The following RHOT1 variants were observed in gnomAD, a reference collection of about 807,000 sequenced individuals.
RHOT1 encodes ras homolog family member T1.
Under a neutral mutation model 95.3 loss-of-function variants are expected in RHOT1, and 27 were observed. The ratio of observed to expected loss-of-function variants is 0.28; its 90% CI spans 0.21 to 0.39. The LOEUF is 0.39. RHOT1 is among the 10% of genes least tolerant of loss of function. RHOT1 has a pLI of 1.00. For synonymous variants in RHOT1, 227 were observed against 263.5 expected, an observed-to-expected ratio of 0.86 and a Z score of 1.34; for missense variants, 578 against 786.7, an observed-to-expected ratio of 0.73 and a Z score of 3.17.
intron 6 of RHOT1, among the ~76,000 whole-genome samples, chr17:32,178,615 G>A (rs57971330): frequency 0.04 from 6,006 of 151,914 alleles, 363 homozygotes; most frequent in African/African-American, 0.13. Flanking sequence ...CCGCCACCCC[G>A]TCTAGGAAGT....
In RHOT1 at chr17:32,203,906, G is replaced by A. The variant is rs767920791; in HGVS notation, c.1349G>A (p.Arg450His). The change falls in exon 16 of 20, where the codon CGT becomes CAT. Residue 450 changes from arginine (R) to histidine (H), a missense_variant. By Grantham distance (29) the Arg-to-His change is conservative. This residue lies in a region of RHOT1 where 296 missense variants were observed against 338.5 expected (regional missense o/e 0.87). Coordinates refer to ENST00000545287, the MANE Select transcript of RHOT1 (RefSeq NM_001033566.3). Reference protein sequence around the residue: ...GRNLMRQKKIREDHKSYYAIN... With the variant: ...GRNLMRQKKIHEDHKSYYAIN... ...TGTTTTCAGAGGCAGAAGAAAATTC[G>A]TGAAGATCATAAATCCTACTATGCG... 8 of 1,612,804 alleles carry A rather than the reference G, an allele frequency of 5.0e-6. No homozygotes were observed. The highest frequency in any genetic ancestry group is 2.2e-5 in the East Asian group (1 of 44,786).
intron 11 of RHOT1, among the ~76,000 whole-genome samples, chr17:32,195,582 A>G (rs748974483): frequency 6.6e-5 from 10 of 152,152 alleles, no homozygotes; most frequent in Non-Finnish European, 1.3e-4. Context: ...AGAGTTTTCA[A>G]TCATTCTTCA....
In RHOT1 at chr17:32,208,488, A is replaced by G. The variant is rs2037910600; in HGVS notation, c.1739+179A>G. On this transcript the variant is annotated intron_variant, in intron 18 of 19. Coordinates refer to ENST00000545287, the MANE Select transcript of RHOT1 (RefSeq NM_001033566.3). ...TTGGTTTGAATGCCATAATAAAATGATATAAACAGTGCTTCTGACAATATC... is the reference window on the plus strand; with the variant it reads ...TTGGTTTGAATGCCATAATAAAATGGTATAAACAGTGCTTCTGACAATATC... 4 of 612,278 alleles carry G rather than the reference A, an allele frequency of 6.5e-6. No individual in the cohort carries two copies. In the East Asian group the frequency reaches 1.1e-4, roughly 17 times the overall value. 37.9% of individuals were successfully genotyped at this position (612,278 alleles called of 1,614,324 possible).
In RHOT1 at chr17:32,202,379, G is replaced by A. The variant is rs530295337; in HGVS notation, c.1202-391G>A. 5.1e-4 allele frequency among the ~76,000 whole-genome samples: 77 copies of A among 152,210 alleles called. 1 individual carries two copies. Among genetic ancestry groups the A allele is most frequent in the Admixed American group, 2.4e-3 (36 of 15,278 alleles). On this transcript the variant is annotated intron_variant, in intron 14 of 19. Coordinates refer to ENST00000545287, the MANE Select transcript of RHOT1 (RefSeq NM_001033566.3). ...TCCAAGAGAGTGCAGATTTGAAATA[G>A]CATCTTTTAGTTTATAATATGTGAC...
chr17:32,206,192 CTTTTTTTTT>C (rs71144812), intron 16 of RHOT1, among the ~76,000 whole-genome samples: 141 of 60,524 alleles, frequency 2.3e-3, no homozygotes, highest in African/African-American at 0.01. Flanking sequence ...TCCATAGAAT[CTTTTTTTTT>C]TTTTTTTTTT....
chr17:32,210,617 T>C (rs1213688825), intron 18 of RHOT1, among the ~76,000 whole-genome samples: 1 of 152,224 alleles, frequency 6.6e-6, no homozygotes, highest in East Asian at 1.9e-4. Flanking sequence ...CAGGGTTGAA[T>C]ACACTTGTCT....
At chr17:32,210,836 T>C (rs2038081433) in intron 18 of RHOT1, among the ~76,000 whole-genome samples, 1 of 152,146 alleles carries the variant, frequency 6.6e-6, no homozygotes, top group African/African-American at 2.4e-5. Context: ...CCACAAAAAT[T>C]CATGTAATAA....
At chr17:32,154,248 C>G (rs997244433) in intron 1 of RHOT1, among the ~76,000 whole-genome samples, 13 of 149,990 alleles carry the variant, frequency 8.7e-5, no homozygotes, top group African/African-American at 3.2e-4. Flanking sequence ...TGAGGCCAGC[C>G]TGGACAACAT....
chr17:32,221,644 A>G (rs2038842762), intron 19 of RHOT1, among the ~76,000 whole-genome samples: 1 of 152,218 alleles, frequency 6.6e-6, no homozygotes. Context: ...TCCATGTCTA[A>G]AAGTGTCTTA....
intron 19 of RHOT1, among the ~76,000 whole-genome samples, chr17:32,223,424 T>A (rs1478928834): frequency 3.7e-4 from 56 of 151,414 alleles, no homozygotes; most frequent in Admixed American, 3.7e-3. Flanking sequence ...TTTCTTTTTT[T>A]TTTTTTTTGC....
At chr17:32,190,884 C>T (rs2036438815) in intron 8 of RHOT1, among the ~76,000 whole-genome samples, 1 of 152,162 alleles carries the variant, frequency 6.6e-6, no homozygotes, top group Admixed American at 6.5e-5. Flanking sequence ...CAACCTCTGC[C>T]TCCCGGGTTC....
chr17:32,206,192 C>CTTTTTT lies in RHOT1; in HGVS notation c.1417-693_1417-688dup, dbSNP rs71144812. ...TCACTAATACTAGCTTCCATAGAAT[C>CTTTTTT]TTTTTTTTTTTTTTTTTTTTTTTTT... On this transcript the variant is annotated intron_variant, in intron 16 of 19. Coordinates refer to ENST00000545287, the MANE Select transcript of RHOT1 (RefSeq NM_001033566.3). 5.6e-4 allele frequency among the ~76,000 whole-genome samples: 34 copies of CTTTTTT among 60,530 alleles called. 2 individuals are homozygous for CTTTTTT. The highest frequency in any genetic ancestry group is 2.1e-3 in the African/African-American group (27 of 13,002). 39.7% of individuals were successfully genotyped at this position (60,530 alleles called of 152,430 possible).
At chr17:32,176,279 A>G (rs1362356561) in intron 6 of RHOT1, 66 bp downstream of exon 6, 3 of 1,268,886 alleles carry the variant, frequency 2.4e-6, no homozygotes, top group Non-Finnish European at 2.3e-6. Context: ...AGGTACAAGA[A>G]GTAGTACATT....
intron 1 of RHOT1, chr17:32,150,637 A>T: frequency 4.4e-6 from 7 of 1,592,390 alleles, no homozygotes; most frequent in Non-Finnish European, 6.0e-6. Context: ...CAGACAGTGG[A>T]AAGAAGAGCT....
chr17:32,222,576 T>C (rs1023851908), intron 19 of RHOT1, among the ~76,000 whole-genome samples: 7 of 152,134 alleles, frequency 4.6e-5, no homozygotes, highest in Non-Finnish European at 1.0e-4. Flanking sequence ...CAGATAGATT[T>C]TTTTTTTAAG....
chr17:32,218,212 A>T (rs1450432780), intron 19 of RHOT1, among the ~76,000 whole-genome samples: 1 of 152,068 alleles, frequency 6.6e-6, no homozygotes, highest in Non-Finnish European at 1.5e-5. Context: ...AAAAGGGCCA[A>T]GCGCAGTGGC....
intron 19 of RHOT1, among the ~76,000 whole-genome samples, chr17:32,223,801 T>C (rs1044811300): frequency 6.6e-6 from 1 of 152,228 alleles, no homozygotes; most frequent in Non-Finnish European, 1.5e-5. Context: ...TCTGACCTTT[T>C]CTTTAGAGCT....
At chr17:32,170,236 GA>G (rs2034465920) in intron 1 of RHOT1, among the ~76,000 whole-genome samples, 1 of 152,034 alleles carries the variant, frequency 6.6e-6, no homozygotes, top group East Asian at 1.9e-4. Flanking sequence ...CCAACATGGG[GA>G]AACCCTGTCT....
chr17:32,149,625 A>ATGTGTGTG (rs1454201227), intron 1 of RHOT1, among the ~76,000 whole-genome samples: 16 of 88,326 alleles, frequency 1.8e-4, no homozygotes, highest in South Asian at 8.6e-4. Context: ...ATATATATAT[A>ATGTGTGTG]TATATATATA....
Sources: allele counts gnomAD v4.1 joint callset (sites outside exome capture counted in the v4.1 genomes callset), GRCh38; gene constraint gnomAD v4.1.1; regional missense constraint gnomAD v4.1.1; transcripts MANE v1.5; gene names NCBI Gene and HGNC (gene_info 2026-07-23, HGNC 2026-07-21).